The following SMAD1 variants were observed in gnomAD, a reference collection of about 807,000 sequenced individuals.
SMAD1 encodes the protein MAD, mothers against decapentaplegic homolog 1.
In SMAD1, 6 loss-of-function variants were observed where a neutral mutation model predicts 41.6. That is an observed-to-expected ratio of 0.14 (90% CI 0.08 to 0.28). The LOEUF (loss-of-function observed/expected upper bound fraction) is 0.28, where lower values mean the gene tolerates loss of function less well. Among genes scored for constraint, SMAD1 ranks in the 10% least tolerant of loss-of-function variants. The probability of loss-of-function intolerance (pLI) is 1.00; values close to 1 mark genes in which losing one functional copy is unlikely to be tolerated. For missense variants in SMAD1, 379 were observed against 582.6 expected, an observed-to-expected ratio of 0.65 and a Z score of 3.60; for synonymous variants, 206 against 203.2, an observed-to-expected ratio of 1.01 and a Z score of -0.12.
chr4:145,547,273 C>G (rs1732299250), intron 5 of SMAD1, among the ~76,000 whole-genome samples: 1 of 149,764 alleles, frequency 6.7e-6, no homozygotes, highest in South Asian at 2.1e-4. Flanking sequence ...AATTGTATTT[C>G]AAATGAATAC....
At chr4:145,488,319 T>G (rs1728591774) in intron 1 of SMAD1, among the ~76,000 whole-genome samples, 1 of 152,164 alleles carries the variant, frequency 6.6e-6, no homozygotes. Context: ...GTCTCTCTGT[T>G]GATTCAGAAT....
chr4:145,543,770 C>T (rs1330227792), intron 4 of SMAD1, among the ~76,000 whole-genome samples: 2 of 152,168 alleles, frequency 1.3e-5, no homozygotes, highest in African/African-American at 2.4e-5. Flanking sequence ...CACAGCCACC[C>T]TGGCAAATAA....
intron 5 of SMAD1, among the ~76,000 whole-genome samples, chr4:145,548,197 C>T (rs1321320467): frequency 6.6e-6 from 1 of 151,630 alleles, no homozygotes; most frequent in Non-Finnish European, 1.5e-5. Flanking sequence ...ATGAATTTTA[C>T]TTCATTTTAT....
intron 1 of SMAD1, among the ~76,000 whole-genome samples, chr4:145,493,772 C>T (rs1728904201): frequency 6.6e-6 from 1 of 152,172 alleles, no homozygotes; most frequent in Admixed American, 6.5e-5. Context: ...GTGCATCCAG[C>T]ACTGGACTAT....
chr4:145,483,284 T>C (rs1018864551), intron 1 of SMAD1: 2 of 152,228 alleles, frequency 1.3e-5, no homozygotes, highest in Admixed American at 6.5e-5. Context: ...GCATGATTTC[T>C]GTTATTTCTT....
At position 145,508,616 on chromosome 4, in the gene SMAD1, G is replaced by T. The variant is rs79621885; in HGVS notation, c.-176-5822G>T. ...AAAATTCTACTTATCCTTTAAGTCT[G>T]ATGTTTTCTCTTGGAAAAAAATGTT... is the stretch of plus-strand genomic sequence containing the variant. On this transcript the variant is annotated intron_variant, in intron 1 of 6. Coordinates refer to ENST00000302085, the MANE Select transcript of SMAD1 (RefSeq NM_005900.3). Among the ~76,000 whole-genome samples, 4 of 152,150 alleles carry T rather than the reference G, an allele frequency of 2.6e-5. No homozygotes were observed. The East Asian group carries it at 7.7e-4, about 29-fold the overall frequency.
intron 2 of SMAD1, among the ~76,000 whole-genome samples, chr4:145,538,898 C>T (rs1452332221): frequency 6.6e-6 from 1 of 152,108 alleles, no homozygotes; most frequent in African/African-American, 2.4e-5. Flanking sequence ...GCCAGCCCTG[C>T]CTCTCCAGGA....
intron 1 of SMAD1, among the ~76,000 whole-genome samples, chr4:145,495,494 A>G (rs552038648): frequency 6.6e-6 from 1 of 152,262 alleles, no homozygotes; most frequent in Non-Finnish European, 1.5e-5. Flanking sequence ...CTTTATCTCT[A>G]CATCTACTTG....
chr4:145,481,589 C>T (rs1446964591), upstream of SMAD1: 1 of 152,200 alleles, frequency 6.6e-6, no homozygotes, highest in Non-Finnish European at 1.5e-5. Flanking sequence ...TGTTTTTTCT[C>T]CAGGAAGAAA....
chr4:145,538,034 G>A (rs572764240), intron 2 of SMAD1, among the ~76,000 whole-genome samples: 61 of 152,308 alleles, frequency 4.0e-4, no homozygotes, highest in Non-Finnish European at 7.9e-4. Flanking sequence ...TGCTGCATTT[G>A]TGGGGAGTGG....
intron 4 of SMAD1, chr4:145,544,056 C>G (rs1358976744): frequency 6.6e-6 from 1 of 152,064 alleles, no homozygotes; most frequent in African/African-American, 2.4e-5. Flanking sequence ...TTTATCCAAA[C>G]CCATAGGATG....
At chr4:145,535,013 A>G (rs1005374084) in intron 2 of SMAD1, among the ~76,000 whole-genome samples, 9 of 152,192 alleles carry the variant, frequency 5.9e-5, no homozygotes, top group African/African-American at 2.2e-4. Flanking sequence ...GTTTTTTTTA[A>G]TGAAGGATGA....
Position 145,482,223 on chromosome 4 carries a change from ACCC to A in SMAD1, c.-177+195_-177+197del, listed in dbSNP as rs1190001940. 8.5e-5 allele frequency among the ~76,000 whole-genome samples: 9 copies of A among 105,466 alleles called. No individual in the cohort carries two copies. Among genetic ancestry groups the A allele is most frequent in the African/African-American group, 2.9e-4 (9 of 30,912 alleles). The allele number at this position is 105,466 out of a possible 152,430, so 69.2% of individuals were successfully genotyped here. A position where few individuals can be genotyped will look rare whatever the true frequency, so the allele number is the denominator to read the frequency against. On this transcript the variant is annotated intron_variant, in intron 1 of 6. Transcript: ENST00000302085. The surrounding 1 kb of genome is among the most constrained non-coding windows in gnomAD (Gnocchi z 4.2). ...CTCTTTCTGCGCGGGGCGGGCCGCG[ACCC>A]CCCCCCCCCATGATGGCGCCTCCCG...
chr4:145,521,480 G>A (rs1026766800), intron 2 of SMAD1, among the ~76,000 whole-genome samples: 3 of 152,140 alleles, frequency 2.0e-5, no homozygotes, highest in African/African-American at 7.2e-5. Flanking sequence ...TTCATTTTCA[G>A]CATGATGGCT....
At chr4:145,551,852 C>G (rs1187906769) in intron 5 of SMAD1, among the ~76,000 whole-genome samples, 1 of 152,148 alleles carries the variant, frequency 6.6e-6, no homozygotes, top group African/African-American at 2.4e-5. Flanking sequence ...TAATCAGCAG[C>G]CTTCGATCCA....
At position 145,514,864 on chromosome 4, in the gene SMAD1, C is replaced by G; in HGVS notation, c.251C>G (p.Pro84Arg). Residue 84 changes from proline (P) to arginine (R), a missense_variant, in exon 2 of 7, where the codon CCT becomes CGT. Transcript: ENST00000302085. The surrounding 1 kb of genome is among the most constrained non-coding windows in gnomAD (Gnocchi z 4.7). Reference protein sequence around the residue: ...RLQVSHRKGLPHVIYCRVWRW... With the variant: ...RLQVSHRKGLRHVIYCRVWRW... ...CAAGTCTCCCACCGGAAGGGACTGC[C>G]TCATGTCATTTACTGCCGTGTGTGG... is the stretch of plus-strand genomic sequence containing the variant. 4 of 1,614,108 alleles carry G rather than the reference C, an allele frequency of 2.5e-6. No homozygotes were observed. The highest frequency in any genetic ancestry group is 2.5e-6 in the Non-Finnish European group (3 of 1,180,022).
At chr4:145,542,435 A>G in intron 3 of SMAD1, 147 bp from the exon 4 acceptor site, 1 of 526,968 alleles carries the variant, frequency 1.9e-6, no homozygotes. Flanking sequence ...TTGTACATCA[A>G]GGCAGTGCCT....
chr4:145,542,639 C>G lies in SMAD1; in HGVS notation c.716C>G (p.Ser239Cys). Reference sequence around the variant, plus strand: ...GAAGACCCCATGACCCAGGATGGCTCTCAGCCGATGGACACAAACATGATG... The same window carrying G: ...GAAGACCCCATGACCCAGGATGGCTGTCAGCCGATGGACACAAACATGATG... ...PPEDPMTQDG[S>C]QPMDTNMMAP... The change falls in exon 4 of 7, where the codon TCT (serine) becomes TGT (cysteine). Residue 239 changes from serine to cysteine, a missense_variant. Transcript: ENST00000302085. 1 of 1,613,766 alleles carries G rather than the reference C, an allele frequency of 6.2e-7. No homozygotes were observed. Among genetic ancestry groups the G allele is most frequent in the Non-Finnish European group, 8.5e-7 (1 of 1,179,864 alleles).
chr4:145,491,304 G>T (rs371309840), intron 1 of SMAD1, among the ~76,000 whole-genome samples: 1 of 152,246 alleles, frequency 6.6e-6, no homozygotes, highest in Middle Eastern at 3.4e-3. Context: ...AAGATTCTGC[G>T]CCTGTAATCC....
Sources: gnomAD v4.1 joint callset for allele counts (sites outside exome capture counted in the v4.1 genomes callset) on GRCh38, gnomAD v4.1.1 for gene constraint, Gnocchi (gnomAD v3.1) non-coding constraint, MANE v1.5 for transcripts, NCBI Gene and HGNC (gene_info 2026-07-23, HGNC 2026-07-21) for gene names.